Variants in SNED1 observed in about 807,000 individuals in gnomAD.
The protein encoded by SNED1 is sushi, nidogen and EGF like domains 1.
A neutral mutation model predicts 166.7 loss-of-function variants in SNED1; 81 were observed. The ratio of observed to expected loss-of-function variants is 0.49; its 90% CI spans 0.41 to 0.58. SNED1 has a LOEUF of 0.58. Among genes scored for constraint, SNED1 ranks in the 20% least tolerant of loss-of-function variants. The pLI, the probability that SNED1 is intolerant of heterozygous loss-of-function variation, is 0.00. For missense variants in SNED1, 1,604 were observed against 2,000.2 expected (o/e 0.80, Z 3.78); for synonymous variants, 762 against 822.0 (o/e 0.93, Z 1.25).
chr2:241,025,448 G>A (rs922216429), intron 1 of SNED1, among the ~76,000 whole-genome samples: 3 of 152,036 alleles, frequency 2.0e-5, no homozygotes, highest in African/African-American at 7.3e-5. Flanking sequence ...CTCTCCTCCT[G>A]GGAAATGCAA....
intron 8 of SNED1, 84 bp from the exon 9 acceptor site, chr2:241,048,231 C>CAAAGGTGCCATTGG (rs1425014199): frequency 1.4e-6 from 2 of 1,444,980 alleles, no homozygotes; most frequent in African/African-American, 2.9e-5. Context: ...GGTGAAAACC[C>CAAAGGTGCCATTGG]AAAGGTGCCA....
intron 5 of SNED1, 140 bp from the exon 6 acceptor site, chr2:241,037,100 C>T: frequency 2.0e-6 from 2 of 1,008,794 alleles, no homozygotes; most frequent in Non-Finnish European, 3.0e-6. Context: ...GAGTGAGCAC[C>T]ATGGGCGGGT....
At chr2:241,010,804 A>T (rs752518652) in intron 1 of SNED1, 1 of 152,806 alleles carries the variant, frequency 6.5e-6, no homozygotes, top group Admixed American at 6.5e-5. Flanking sequence ...TGTAACATCC[A>T]GGTGGCAATC....
rs1553574678 is a variant in SNED1 at position 241,057,412 on chromosome 2, T to TATGC, written c.2257+4086_2257+4087insATGC. On this transcript the variant is annotated intron_variant, in intron 16 of 31. Coordinates refer to ENST00000310397, the MANE Select transcript of SNED1 (RefSeq NM_001080437.3). ...ATATATATATATATATATATATATATGCCATACGCAGTGGCTCACACATAT... is the reference window on the plus strand; with the variant it reads ...ATATATATATATATATATATATATATATGCGCCATACGCAGTGGCTCACACATAT... Among the ~76,000 whole-genome samples, 635 of 129,336 alleles carry TATGC rather than the reference T, an allele frequency of 4.9e-3. 8 individuals are homozygous for TATGC. Among genetic ancestry groups the TATGC allele is most frequent in the African/African-American group, 0.018 (601 of 33,828 alleles). 84.8% of individuals were successfully genotyped at this position (129,336 alleles called of 152,430 possible). A position where few individuals can be genotyped will look rare whatever the true frequency, so the allele number is the denominator to read the frequency against.
At position 241,051,682 on chromosome 2, in the gene SNED1, TA is replaced by T. The variant is rs989393091; in HGVS notation, c.1736-61del. The stretch of plus-strand genomic sequence containing the variant: ...GGACTGAGGAGATGCCAGGAGGGTA[TA>T]GTGGCTCTGTGGGGCCAGCAGCCTG... On this transcript the variant is annotated intron_variant, in intron 12 of 31. Coordinates refer to ENST00000310397, the MANE Select transcript of SNED1 (RefSeq NM_001080437.3). This position sits in a 1 kb window ranked among gnomAD's most constrained non-coding sequence, Gnocchi z 4.7. 1 of 1,288,270 alleles carries T rather than the reference TA, an allele frequency of 7.8e-7. No homozygotes were observed. Among genetic ancestry groups the T allele is most frequent in the African/African-American group, 1.5e-5 (1 of 66,748 alleles). The allele number at this position is 1,288,270 out of a possible 1,614,324, so 79.8% of individuals were successfully genotyped here.
At position 241,038,739 on chromosome 2, in the gene SNED1, G is replaced by A. The variant is rs114637251; in HGVS notation, c.1046-1336G>A. ...CCGTGGCAGACTCAGCCCTGCAGGC[G>A]TCTGTCCCTTGGTAAAGGCCAGGGA... is the stretch of plus-strand genomic sequence containing the variant. On this transcript the variant is annotated intron_variant, in intron 6 of 31. Coordinates refer to ENST00000310397, the MANE Select transcript of SNED1 (RefSeq NM_001080437.3). Among the ~76,000 whole-genome samples, 830 of 152,374 alleles carry A rather than the reference G, an allele frequency of 5.4e-3. 7 individuals are homozygous for A. Among genetic ancestry groups the A allele is most frequent in the African/African-American group, 0.019 (784 of 41,586 alleles).
chr2:241,033,895 G>A lies in SNED1; in HGVS notation c.642+20G>A. The A allele has an allele frequency of 6.3e-7, 1 of 1,579,702 alleles. No homozygotes were observed. The highest frequency in any genetic ancestry group is 8.6e-7 in the Non-Finnish European group (1 of 1,163,620). On this transcript the variant is annotated intron_variant, in intron 3 of 31. Transcript: ENST00000310397. Reference sequence around the variant, plus strand: ...GCCCAGGTAGGCGAGTGCAGTCGGTGCTCTGTGTTCAGAACCCCTGCTCCC... The same window carrying A: ...GCCCAGGTAGGCGAGTGCAGTCGGTACTCTGTGTTCAGAACCCCTGCTCCC...
chr2:241,039,132 T>C (rs923104049), intron 6 of SNED1, among the ~76,000 whole-genome samples: 2 of 152,170 alleles, frequency 1.3e-5, no homozygotes, highest in African/African-American at 4.8e-5. Flanking sequence ...CTCCCTGATC[T>C]TGGAAGCCAC....
chr2:241,008,467 G>A (rs893074239), intron 1 of SNED1, among the ~76,000 whole-genome samples: 9 of 152,228 alleles, frequency 5.9e-5, no homozygotes, highest in African/African-American at 2.4e-5. Flanking sequence ...CAGACAGGGT[G>A]TCCTGGTGTT....
At chr2:241,047,490 T>C (rs989879200) in intron 8 of SNED1, among the ~76,000 whole-genome samples, 5 of 152,240 alleles carry the variant, frequency 3.3e-5, no homozygotes, top group Non-Finnish European at 7.3e-5. Context: ...TTGGCCTACT[T>C]GGCATTTATA....
At chr2:241,054,150 C>T (rs1315682059) in intron 16 of SNED1, among the ~76,000 whole-genome samples, 8 of 152,012 alleles carry the variant, frequency 5.3e-5, no homozygotes, top group Admixed American at 5.2e-4. Context: ...CAGGTGAGCT[C>T]CTGACTGTCT....
At position 241,091,426 on chromosome 2, in the gene SNED1, A is replaced by G. The variant is rs2063985098; in HGVS notation, c.*2-212A>G. 1.3e-5 allele frequency among the ~76,000 whole-genome samples: 2 copies of G among 152,080 alleles called. No homozygotes were observed. The highest frequency in any genetic ancestry group is 4.1e-4 in the South Asian group (2 of 4,820). Reference sequence around the variant, plus strand: ...GTGGAGGCTGCCCCTCCCCGTGTGCACTGCCATATGGTAGAATCCTGGTGC... The same window carrying G: ...GTGGAGGCTGCCCCTCCCCGTGTGCGCTGCCATATGGTAGAATCCTGGTGC... On this transcript the variant is annotated intron_variant, in intron 31 of 31. Transcript: ENST00000310397. The surrounding 1 kb of genome is among the most constrained non-coding windows in gnomAD (Gnocchi z 4.1).
At chr2:241,066,976 G>A (rs965986717) in intron 21 of SNED1, among the ~76,000 whole-genome samples, 1 of 152,240 alleles carries the variant, frequency 6.6e-6, no homozygotes, top group African/African-American at 2.4e-5. Context: ...GGGCGCATGT[G>A]CGGGTGGCAC....
At position 241,090,075 on chromosome 2, in the gene SNED1, T is replaced by C. The variant is rs185464287; in HGVS notation, c.*2-1563T>C. On this transcript the variant is annotated intron_variant, in intron 31 of 31. Transcript: ENST00000310397. ...ATAAGAAATTAACCTTAGCTTACTG[T>C]AACTTTTTTACTTTATACATTTTTA... 1,175 of 1,516,078 alleles carry C rather than the reference T, an allele frequency of 7.8e-4. 3 individuals carry two copies. Among genetic ancestry groups the C allele is most frequent in the Admixed American group, 1.4e-3 (60 of 42,516 alleles). The allele number at this position is 1,516,078 out of a possible 1,614,324, so 93.9% of individuals were successfully genotyped here. A position where few individuals can be genotyped will look rare whatever the true frequency, so the allele number is the denominator to read the frequency against.
At chr2:241,038,154 G>T (rs979143751) in intron 6 of SNED1, among the ~76,000 whole-genome samples, 1 of 151,624 alleles carries the variant, frequency 6.6e-6, no homozygotes, top group Non-Finnish European at 1.5e-5. Context: ...TCAAAGCACC[G>T]TGACCTGCTG....
intron 15 of SNED1, among the ~76,000 whole-genome samples, 174 bp from the exon 16 acceptor site, chr2:241,052,979 A>C (rs2061925560): frequency 6.6e-6 from 1 of 152,142 alleles, no homozygotes; most frequent in African/African-American, 2.4e-5. Flanking sequence ...GAATGGGAAG[A>C]AGGAAACGTA....
intron 2 of SNED1, among the ~76,000 whole-genome samples, chr2:241,030,858 G>A (rs145140416): frequency 6.6e-6 from 1 of 152,348 alleles, no homozygotes; most frequent in Non-Finnish European, 1.5e-5. Context: ...GAATGGCCCA[G>A]TACTCAAAAG....
chr2:241,034,559 C>T lies in SNED1; in HGVS notation c.643-9C>T, dbSNP rs1257693016. ...GGCCTCCCTCACTCTGCCCCCACCC[C>T]ACCCCCAGGCTGGCTTCAACGCAGG... On this transcript the variant is annotated splice_polypyrimidine_tract_variant and intron_variant, in intron 3 of 31. Coordinates refer to ENST00000310397, the MANE Select transcript of SNED1 (RefSeq NM_001080437.3). 6.3e-7 allele frequency: 1 copy of T among 1,579,324 alleles called. No homozygotes were observed. Among genetic ancestry groups the T allele is most frequent in the Non-Finnish European group, 8.6e-7 (1 of 1,158,666 alleles).
chr2:241,062,208 G>T (rs749046445), intron 16 of SNED1, among the ~76,000 whole-genome samples: 17 of 152,134 alleles, frequency 1.1e-4, no homozygotes, highest in Non-Finnish European at 2.4e-4. Flanking sequence ...GATTCTTATC[G>T]CAAGGGAAGA....
Sources: gnomAD v4.1 joint callset for allele counts (sites outside exome capture counted in the v4.1 genomes callset) on GRCh38, gnomAD v4.1.1 for gene constraint, Gnocchi (gnomAD v3.1) non-coding constraint, MANE v1.5 for transcripts, NCBI Gene and HGNC (gene_info 2026-07-23, HGNC 2026-07-21) for gene names.